H2BC18: variants seen among roughly 807,000 people sequenced by gnomAD.
H2BC18 encodes H2B clustered histone 18.
In H2BC18, 8 loss-of-function variants were observed where a neutral mutation model predicts 6.3. The observed-to-expected ratio is 1.28, with a 90% CI of 0.75 to 2.31. The LOEUF is 2.31. H2BC18 is among the 30% of genes most tolerant of loss of function. H2BC18 has a pLI of 0.00. For missense variants in H2BC18, 106 were observed against 174.5 expected, an observed-to-expected ratio of 0.61 and a Z score of 2.21; for synonymous variants, 104 against 78.1, an observed-to-expected ratio of 1.33 and a Z score of -1.75.
intron 1 of H2BC18, among the ~76,000 whole-genome samples, chr1:149,799,908 A>G (rs1316349977): frequency 6.6e-6 from 1 of 152,162 alleles, no homozygotes; most frequent in Non-Finnish European, 1.5e-5. Context: ...CAAGCAAGCA[A>G]TCAGTTCTGC....
downstream of H2BC18, chr1:149,811,007 G>A (rs1264884690): frequency 6.6e-6 from 1 of 152,188 alleles, no homozygotes; most frequent in Admixed American, 6.5e-5. Context: ...TTCCTGTGGA[G>A]AAGGACCTGT....
chr1:149,810,402 T>C (rs1163581590), downstream of H2BC18: 3 of 152,214 alleles, frequency 2.0e-5, no homozygotes, highest in Non-Finnish European at 2.9e-5. Flanking sequence ...AAAAAAATCA[T>C]GTATACCGCA....
At chr1:149,800,534 CT>C (rs2101469304) in intron 1 of H2BC18, among the ~76,000 whole-genome samples, 1 of 143,102 alleles carries the variant, frequency 7.0e-6, no homozygotes, top group Non-Finnish European at 1.5e-5. Flanking sequence ...CGACATCACA[CT>C]TTGGTGTTTC....
downstream of H2BC18, among the ~76,000 whole-genome samples, chr1:149,807,059 T>C (rs587771289): frequency 2.6e-5 from 4 of 152,162 alleles, no homozygotes; most frequent in South Asian, 2.1e-4. Context: ...TAAAATGCCA[T>C]TGCAAATATC....
intron 1 of H2BC18, among the ~76,000 whole-genome samples, chr1:149,789,755 T>C (rs2091653874): frequency 6.6e-6 from 1 of 152,044 alleles, no homozygotes; most frequent in African/African-American, 2.4e-5. Context: ...TCCAAAACTG[T>C]CCCCACTTCA....
chr1:149,785,226 CA>C (rs1553750676), intron 1 of H2BC18, among the ~76,000 whole-genome samples: 1 of 151,976 alleles, frequency 6.6e-6, no homozygotes, highest in Non-Finnish European at 1.5e-5. Flanking sequence ...ATGCAAAAGT[CA>C]ATCCACACTG....
intron 1 of H2BC18, among the ~76,000 whole-genome samples, chr1:149,802,782 C>G (rs2091885467): frequency 6.6e-6 from 1 of 152,124 alleles, no homozygotes; most frequent in African/African-American, 2.4e-5. Flanking sequence ...TCCAAGAGTC[C>G]AAAGGCCAAA....
intron 1 of H2BC18, chr1:149,794,123 T>A (rs1173758762): frequency 2.2e-6 from 1 of 451,230 alleles, no homozygotes; most frequent in Non-Finnish European, 4.4e-6. Flanking sequence ...AAGAGACCAG[T>A]TAGGAGTCTA....
At chr1:149,790,983 G>A (rs1305872520) in intron 1 of H2BC18, among the ~76,000 whole-genome samples, 2 of 151,248 alleles carry the variant, frequency 1.3e-5, no homozygotes, top group African/African-American at 4.9e-5. Flanking sequence ...AGAGATATCA[G>A]TTGTCTCTGG....
intron 1 of H2BC18, among the ~76,000 whole-genome samples, chr1:149,796,397 A>G (rs1301592260): frequency 6.6e-6 from 1 of 152,240 alleles, no homozygotes; most frequent in Non-Finnish European, 1.5e-5. Context: ...CTCTGAGAAG[A>G]TAATTTTGAA....
At chr1:149,806,932 G>A (rs1425176862), downstream of H2BC18, among the ~76,000 whole-genome samples, 1 of 152,046 alleles carries the variant, frequency 6.6e-6, no homozygotes, top group Non-Finnish European at 1.5e-5. Flanking sequence ...GCCATTGGAG[G>A]GTTTTCTGTT....
At chr1:149,786,324 C>T (rs1447627631) in intron 1 of H2BC18, 1 of 152,022 alleles carries the variant, frequency 6.6e-6, no homozygotes, top group African/African-American at 2.4e-5. Flanking sequence ...TTTATATATT[C>T]TGGATATAAG....
At chr1:149,792,808 G>T in intron 1 of H2BC18, 2 of 1,279,490 alleles carry the variant, frequency 1.6e-6, no homozygotes, top group Non-Finnish European at 2.0e-6. Context: ...TGTAGGAGTC[G>T]GTGGGCAGCA....
At chr1:149,805,250 G>T (rs587660096) in intron 1 of H2BC18, 1 of 151,870 alleles carries the variant, frequency 6.6e-6, no homozygotes, top group Non-Finnish European at 1.5e-5. Context: ...AATAATTATC[G>T]GGGACTTACC....
chr1:149,802,170 G>GA (rs1208393445), intron 1 of H2BC18, among the ~76,000 whole-genome samples: 1 of 151,756 alleles, frequency 6.6e-6, no homozygotes, highest in African/African-American at 2.4e-5. Context: ...ATACTAATGT[G>GA]AAAAAAATTA....
intron 1 of H2BC18, chr1:149,792,807 C>A: frequency 3.1e-6 from 4 of 1,279,262 alleles, no homozygotes; most frequent in Non-Finnish European, 4.1e-6. Flanking sequence ...CTGTAGGAGT[C>A]GGTGGGCAGC....
downstream of H2BC18, among the ~76,000 whole-genome samples, chr1:149,808,214 TAAA>T: frequency 6.6e-6 from 1 of 152,236 alleles, no homozygotes; most frequent in East Asian, 1.9e-4. Context: ...AACTAAAACT[TAAA>T]AAATAATTTC....
chr1:149,796,725 G>A (rs2091804438), intron 1 of H2BC18, among the ~76,000 whole-genome samples: 1 of 152,010 alleles, frequency 6.6e-6, no homozygotes, highest in African/African-American at 2.4e-5. Context: ...CTATATCATG[G>A]CACTTAATAG....
chr1:149,805,873 C>A (rs2091912500), intron 1 of H2BC18, among the ~76,000 whole-genome samples: 1 of 151,534 alleles, frequency 6.6e-6, no homozygotes, highest in African/African-American at 2.4e-5. Flanking sequence ...AAAACAGTGG[C>A]TTGAATAAGA....
Sources: gnomAD v4.1 joint callset for allele counts (sites outside exome capture counted in the v4.1 genomes callset) on GRCh38, gnomAD v4.1.1 for gene constraint, MANE v1.5 for transcripts, NCBI Gene and HGNC (gene_info 2026-07-23, HGNC 2026-07-21) for gene names.